The following UBE2V2 variants were observed in gnomAD, a reference collection of about 807,000 sequenced individuals.
The protein encoded by UBE2V2 is ubiquitin conjugating enzyme E2 V2, also known as ubiquitin-conjugating enzyme E2 variant 2.
UBE2V2 carries 9 observed loss-of-function variants against 17.2 expected under a neutral mutation model. The ratio of observed to expected loss-of-function variants is 0.52; its 90% CI spans 0.32 to 0.91. The LOEUF (loss-of-function observed/expected upper bound fraction) is 0.91. Among genes scored for constraint, UBE2V2 ranks in the 40% least tolerant of loss-of-function variants. UBE2V2 has a pLI of 0.04. For missense variants in UBE2V2, 133 were observed against 182.6 expected, an observed-to-expected ratio of 0.73 and a Z score of 1.56; for synonymous variants, 61 against 57.5, an observed-to-expected ratio of 1.06 and a Z score of -0.28.
chr8:48,032,257 T>G (rs1054567476), intron 1 of UBE2V2, among the ~76,000 whole-genome samples: 2 of 152,220 alleles, frequency 1.3e-5, no homozygotes, highest in Non-Finnish European at 2.9e-5. Context: ...TCTATTGAAA[T>G]ATATTTTTAA....
intron 1 of UBE2V2, among the ~76,000 whole-genome samples, chr8:48,030,723 AAAAC>A (rs2091376516): frequency 6.6e-6 from 1 of 151,054 alleles, no homozygotes; most frequent in Non-Finnish European, 1.5e-5. Flanking sequence ...TCAAAAACAA[AAAAC>A]AAAACAAAAA....
intron 1 of UBE2V2, among the ~76,000 whole-genome samples, chr8:48,012,766 A>G (rs530548900): frequency 1.3e-5 from 2 of 152,270 alleles, no homozygotes; most frequent in South Asian, 2.1e-4. Flanking sequence ...AAAAAATACA[A>G]TAGTTTTAGT....
intron 1 of UBE2V2, among the ~76,000 whole-genome samples, chr8:48,039,298 A>G (rs2091445873): frequency 6.6e-6 from 1 of 152,200 alleles, no homozygotes; most frequent in South Asian, 2.1e-4. Flanking sequence ...TAGCTTCTAT[A>G]CCAGTTTATT....
At chr8:48,036,497 G>C (rs769045639) in intron 1 of UBE2V2, among the ~76,000 whole-genome samples, 1 of 151,152 alleles carries the variant, frequency 6.6e-6, no homozygotes, top group African/African-American at 2.4e-5. Flanking sequence ...GCAGTGGTGC[G>C]ATCTTGGCTC....
chr8:48,042,277 C>T (rs1340092768), intron 1 of UBE2V2: 1 of 152,098 alleles, frequency 6.6e-6, no homozygotes, highest in Non-Finnish European at 1.5e-5. Flanking sequence ...ATCTCACAAA[C>T]ACATTAAAAA....
intron 1 of UBE2V2, among the ~76,000 whole-genome samples, chr8:48,028,035 G>T (rs2091357339): frequency 6.6e-6 from 1 of 151,606 alleles, no homozygotes; most frequent in Non-Finnish European, 1.5e-5. Flanking sequence ...TGTATTTTTA[G>T]TAGAAATGGG....
intron 1 of UBE2V2, among the ~76,000 whole-genome samples, chr8:48,036,789 G>C (rs572658741): frequency 7.9e-5 from 12 of 152,162 alleles, no homozygotes; most frequent in African/African-American, 2.6e-4. Flanking sequence ...ATATTTTGTG[G>C]GGGTACATGT....
chr8:48,022,474 G>C (rs1240069208), intron 1 of UBE2V2, among the ~76,000 whole-genome samples: 1 of 152,062 alleles, frequency 6.6e-6, no homozygotes, highest in African/African-American at 2.4e-5. Flanking sequence ...ACAAATTATT[G>C]TAGTTACTTT....
At chr8:48,034,225 G>A (rs1295801524) in intron 1 of UBE2V2, among the ~76,000 whole-genome samples, 1 of 151,056 alleles carries the variant, frequency 6.6e-6, no homozygotes, top group East Asian at 1.9e-4. Flanking sequence ...GGGTTAAAGC[G>A]ATTCTCCTGC....
chr8:48,004,544 T>A (rs1205503611), upstream of UBE2V2, among the ~76,000 whole-genome samples: 2 of 151,366 alleles, frequency 1.3e-5, no homozygotes, highest in Non-Finnish European at 2.9e-5. Context: ...TTTTGTTTTT[T>A]TTTTGAGGCA....
In UBE2V2 at chr8:48,035,950, T is replaced by TC. The variant is rs2091421948; in HGVS notation, c.17-7083_17-7082insC. ...ATTACTTTTCTCCCCTTGCCTTTCT[T>TC]TTTTTTTTTTTTTTTTTTGAGACCG... On this transcript the variant is annotated intron_variant, in intron 1 of 3. Transcript: ENST00000523111. 5.7e-5 allele frequency among the ~76,000 whole-genome samples: 7 copies of TC among 122,668 alleles called. No homozygotes were observed. In the South Asian group the frequency reaches 1.8e-3, roughly 31 times the overall value. 80.5% of individuals were successfully genotyped at this position (122,668 alleles called of 152,430 possible). A position where few individuals can be genotyped will look rare whatever the true frequency, so the allele number is the denominator to read the frequency against.
intron 3 of UBE2V2, among the ~76,000 whole-genome samples, chr8:48,052,054 A>G (rs982481419): frequency 2.6e-5 from 4 of 152,118 alleles, no homozygotes; most frequent in Middle Eastern, 3.4e-3. Flanking sequence ...GGTGGTTTCT[A>G]TTTTTCTACA....
chr8:48,034,117 GTTTTCTTTTCCT>G (rs1394043519), intron 1 of UBE2V2, among the ~76,000 whole-genome samples: 1 of 132,904 alleles, frequency 7.5e-6, no homozygotes, highest in Non-Finnish European at 1.5e-5. Flanking sequence ...TTTGACCTCT[GTTTTCTTTTCCT>G]TTTTTTTTTT....
At chr8:48,043,362 TG>T (rs2091477176) in intron 2 of UBE2V2, 181 bp downstream of exon 2, 4 of 464,562 alleles carry the variant, frequency 8.6e-6, no homozygotes, top group Non-Finnish European at 1.0e-5. Context: ...CGTAGAGGAT[TG>T]GGGGGAGGAA....
chr8:48,001,094 T>C, the UBE2V2 span, among the ~76,000 whole-genome samples: 3 of 152,138 alleles, frequency 2.0e-5, no homozygotes, highest in African/African-American at 7.2e-5. Context: ...ACCTTCATTA[T>C]TGAGCTCTCA....
At chr8:48,031,224 AC>A (rs34892725) in intron 1 of UBE2V2, among the ~76,000 whole-genome samples, 151,601 of 151,672 alleles carry the variant, frequency 1, 75,765 homozygotes, top group Middle Eastern at 1. Flanking sequence ...AAACAAACAA[AC>A]CCCCCCCAAC....
chr8:48,053,912 C>T (rs1445047669), intron 3 of UBE2V2, among the ~76,000 whole-genome samples: 1 of 151,294 alleles, frequency 6.6e-6, no homozygotes, highest in Non-Finnish European at 1.5e-5. Context: ...TCAAGCGATT[C>T]TCCTGCCTTA....
At chr8:48,048,577 C>T (rs952527833) in intron 2 of UBE2V2, among the ~76,000 whole-genome samples, 5 of 152,132 alleles carry the variant, frequency 3.3e-5, no homozygotes, top group African/African-American at 1.2e-4. Flanking sequence ...ATTGAAAGTG[C>T]TGGGGATATT....
chr8:48,008,343 C>T (rs1424372161), upstream of UBE2V2: 2 of 1,367,204 alleles, frequency 1.5e-6, no homozygotes, highest in Admixed American at 7.7e-5. Context: ...GGTCGCCCCG[C>T]GCCCGCCGGG....
Sources: gnomAD v4.1 joint callset for allele counts (sites outside exome capture counted in the v4.1 genomes callset) on GRCh38, gnomAD v4.1.1 for gene constraint, MANE v1.5 for transcripts, NCBI Gene and HGNC (gene_info 2026-07-23, HGNC 2026-07-21) for gene names.